Variants in DOCK5 observed in about 807,000 individuals in gnomAD.
DOCK5 encodes the protein dedicator of cytokinesis 5.
In DOCK5, 142 loss-of-function variants were observed where a neutral mutation model predicts 251.8. That is an observed-to-expected ratio of 0.56 (90% CI 0.49 to 0.65). The LOEUF (loss-of-function observed/expected upper bound fraction) is 0.65, where lower values mean the gene tolerates loss of function less well. Ranked by LOEUF, DOCK5 falls within the 30% of genes least tolerant of loss-of-function variation. The probability of loss-of-function intolerance (pLI) is 0.00; values close to 1 mark genes in which losing one functional copy is unlikely to be tolerated. For synonymous variants in DOCK5, 842 were observed against 835.5 expected, an observed-to-expected ratio of 1.01 and a Z score of -0.13; for missense variants, 2,111 against 2,312.3, an observed-to-expected ratio of 0.91 and a Z score of 1.79.
chr8:25,320,954 A>G, intron 15 of DOCK5, 26 bp from the exon 16 acceptor site: 3 of 1,599,330 alleles, frequency 1.9e-6, no homozygotes, highest in East Asian at 2.2e-5. Context: ...GTGTCTGTAA[A>G]CTATTAATTT....
chr8:25,208,181 T>C (rs921173162), intron 1 of DOCK5, among the ~76,000 whole-genome samples: 1 of 152,188 alleles, frequency 6.6e-6, no homozygotes, highest in Non-Finnish European at 1.5e-5. Context: ...GAGTTACTTT[T>C]TATGAATGAG....
chr8:25,334,180 G>A lies in DOCK5; in HGVS notation c.2176G>A (p.Ala726Thr), dbSNP rs771599318. 1.5e-5 allele frequency: 25 copies of A among 1,613,270 alleles called. No individual in the cohort carries two copies. In the East Asian group the frequency reaches 1.8e-4, roughly 11 times the overall value. The change falls in exon 21 of 52, where the codon GCC (alanine) becomes ACC (threonine). Residue 726 changes from alanine to threonine, a missense_variant. Transcript: ENST00000276440. ...LETYIYKHFSATLAYVKLSKV... is the reference protein window; with the variant it reads ...LETYIYKHFSTTLAYVKLSKV... ...AACCTACATTTACAAGCACTTCAGC[G>A]CCACTTTGGCATATGTGTAAGTATG... is the stretch of plus-strand genomic sequence containing the variant.
chr8:25,332,735 T>C, intron 20 of DOCK5, 43 bp downstream of exon 20: 1 of 1,462,056 alleles, frequency 6.8e-7, no homozygotes, highest in Non-Finnish European at 9.4e-7. Context: ...TGTTGCAACT[T>C]TGTAGTTTTC....
At chr8:25,260,519 T>A (rs1398260136) in intron 2 of DOCK5, among the ~76,000 whole-genome samples, 7 of 152,186 alleles carry the variant, frequency 4.6e-5, no homozygotes, top group Non-Finnish European at 1.0e-4. Context: ...CTTTTCTTGT[T>A]GGGAAATCAT....
chr8:25,381,933 G>A (rs1357453574), intron 39 of DOCK5, among the ~76,000 whole-genome samples: 2 of 152,134 alleles, frequency 1.3e-5, no homozygotes, highest in Non-Finnish European at 2.9e-5. Flanking sequence ...ACCACCTTCT[G>A]GGCACTTATA....
chr8:25,331,238 C>T (rs1395373597), intron 18 of DOCK5, among the ~76,000 whole-genome samples: 2 of 149,160 alleles, frequency 1.3e-5, no homozygotes, highest in African/African-American at 5.0e-5. Context: ...GTGACACACA[C>T]ACACACACAC....
chr8:25,232,095 A>G (rs1802681342), intron 1 of DOCK5, among the ~76,000 whole-genome samples: 1 of 152,190 alleles, frequency 6.6e-6, no homozygotes, highest in Admixed American at 6.5e-5. Flanking sequence ...TATGATTTGC[A>G]TCCTTTTAAA....
chr8:25,386,109 A>G, intron 40 of DOCK5, among the ~76,000 whole-genome samples: 1 of 152,206 alleles, frequency 6.6e-6, no homozygotes. Context: ...TTGGTTTTGC[A>G]CGTACTCAAG....
chr8:25,316,098 A>T lies in DOCK5; in HGVS notation c.1319-909A>T, dbSNP rs542411458. On this transcript the variant is annotated intron_variant, in intron 13 of 51. Coordinates refer to ENST00000276440, the MANE Select transcript of DOCK5 (RefSeq NM_024940.8). ...GTGGGCCACACATTTATTAATTAAA[A>T]TTTTTTTTGCTGGGTAACAAAAAAG... is the stretch of plus-strand genomic sequence containing the variant. 6.6e-5 allele frequency among the ~76,000 whole-genome samples: 10 copies of T among 152,164 alleles called. No individual in the cohort carries two copies. In the South Asian group the frequency reaches 8.3e-4, roughly 13 times the overall value.
intron 26 of DOCK5, among the ~76,000 whole-genome samples, chr8:25,346,907 G>A (rs543183898): frequency 1.7e-4 from 26 of 152,034 alleles, no homozygotes; most frequent in African/African-American, 6.3e-4. Context: ...AGGCCTAGCA[G>A]AGCCCCCACA....
intron 1 of DOCK5, among the ~76,000 whole-genome samples, chr8:25,221,693 A>G (rs986826433): frequency 2.6e-5 from 4 of 152,218 alleles, no homozygotes; most frequent in Non-Finnish European, 5.9e-5. Context: ...CATCATCATT[A>G]GTTGAGTACT....
chr8:25,302,444 T>C lies in DOCK5; in HGVS notation c.966T>C (p.Phe322=). The C allele has an allele frequency of 6.4e-7, 1 of 1,567,422 alleles. No homozygotes were observed. Among genetic ancestry groups the C allele is most frequent in the Non-Finnish European group, 8.6e-7 (1 of 1,156,102 alleles). The change falls in exon 10 of 52, where the codon TTT becomes TTC. Residue 322 remains phenylalanine (F), a synonymous_variant. Transcript: ENST00000276440. Reference sequence around the variant, plus strand: ...ACACCTGTGGACTCCGAAGACCTTTTGGAGTGGCAGGTACAAGAGAGACCC... The same window carrying C: ...ACACCTGTGGACTCCGAAGACCTTTCGGAGTGGCAGGTACAAGAGAGACCC... ...KKHTCGLRRP[F]GVAVMDITDI... is the part of the protein sequence containing the mutation.
chr8:25,357,965 C>T (rs1800607803), intron 27 of DOCK5, among the ~76,000 whole-genome samples: 1 of 152,068 alleles, frequency 6.6e-6, no homozygotes, highest in Non-Finnish European at 1.5e-5. Flanking sequence ...TTCCTGAACT[C>T]ACAAATGGAA....
intron 36 of DOCK5, among the ~76,000 whole-genome samples, 199 bp from the exon 37 acceptor site, chr8:25,374,365 C>CT (rs1202730233): frequency 6.6e-6 from 1 of 152,028 alleles, no homozygotes; most frequent in Non-Finnish European, 1.5e-5. Flanking sequence ...TTAGCCGGGC[C>CT]TGGTGGCACG....
intron 3 of DOCK5, chr8:25,270,965 C>T (rs993708643): frequency 5.1e-5 from 25 of 488,414 alleles, no homozygotes; most frequent in Non-Finnish European, 5.9e-5. Flanking sequence ...GTTATTATAC[C>T]GTATTGTTTA....
At chr8:25,392,067 G>T in intron 43 of DOCK5, 87 bp downstream of exon 43, 3 of 1,225,120 alleles carry the variant, frequency 2.4e-6, no homozygotes, top group South Asian at 1.3e-5. Flanking sequence ...ATTCTGGGAG[G>T]CCGATGCGGG....
chr8:25,273,219 T>C (rs1803957975), intron 3 of DOCK5, among the ~76,000 whole-genome samples: 1 of 152,100 alleles, frequency 6.6e-6, no homozygotes, highest in South Asian at 2.1e-4. Context: ...CACCCTCCTT[T>C]CTCATTGCTA....
chr8:25,246,826 A>G (rs1803130751), intron 2 of DOCK5, among the ~76,000 whole-genome samples: 3 of 151,386 alleles, frequency 2.0e-5, no homozygotes, highest in Non-Finnish European at 4.4e-5. Context: ...ATTGTCCTAC[A>G]GAGTGTGGGA....
chr8:25,270,368 C>G (rs1484651978), intron 3 of DOCK5, among the ~76,000 whole-genome samples: 1 of 152,150 alleles, frequency 6.6e-6, no homozygotes, highest in Middle Eastern at 3.2e-3. Context: ...CTCAGTGACA[C>G]AGAGTACTTG....
Sources: allele counts gnomAD v4.1 joint callset (sites outside exome capture counted in the v4.1 genomes callset), GRCh38; gene constraint gnomAD v4.1.1; transcripts MANE v1.5; gene names NCBI Gene and HGNC (gene_info 2026-07-23, HGNC 2026-07-21).